The following SLC25A27 variants were observed in gnomAD, a reference collection of about 807,000 sequenced individuals.
SLC25A27 encodes mitochondrial uncoupling protein 4.
In SLC25A27, 35 loss-of-function variants were observed where a neutral mutation model predicts 49.1. The ratio of observed to expected loss-of-function variants is 0.71; its 90% CI spans 0.54 to 0.95. The LOEUF is 0.95. Among genes scored for constraint, SLC25A27 ranks in the 40% least tolerant of loss-of-function variants. SLC25A27 has a pLI of 0.00. For synonymous variants in SLC25A27, 144 were observed against 136.9 expected (o/e 1.05, Z -0.36); for missense variants, 339 against 397.1 (o/e 0.85, Z 1.24).
intron 5 of SLC25A27, among the ~76,000 whole-genome samples, chr6:46,665,089 G>A (rs1266332236): frequency 1.3e-5 from 2 of 152,130 alleles, no homozygotes; most frequent in Non-Finnish European, 2.9e-5. Flanking sequence ...TGTATGAAAA[G>A]GATAGGATTT....
chr6:46,665,621 G>A (rs1045712091), intron 5 of SLC25A27, among the ~76,000 whole-genome samples: 2 of 152,114 alleles, frequency 1.3e-5, no homozygotes, highest in African/African-American at 4.8e-5. Flanking sequence ...GGGAGGCGAA[G>A]CTTGCAGTGA....
chr6:46,655,997 T>A lies in SLC25A27; in HGVS notation c.261T>A (p.Leu87=). The A allele has an allele frequency of 6.2e-7, 1 of 1,612,234 alleles. No homozygotes were observed. The highest frequency in any genetic ancestry group is 8.5e-7 in the Non-Finnish European group (1 of 1,179,338). Residue 87 remains leucine, a synonymous_variant, in exon 2 of 9, where the codon CTT becomes CTA. Transcript: ENST00000371347. ...GIIEEEGFLK[L]WQGVTPAIYR... Reference sequence around the variant, plus strand: ...TTGAAGAGGAAGGCTTTCTAAAGCTTTGGCAAGGAGTGACACCCGCCATTT... The same window carrying A: ...TTGAAGAGGAAGGCTTTCTAAAGCTATGGCAAGGAGTGACACCCGCCATTT...
intron 2 of SLC25A27, among the ~76,000 whole-genome samples, 159 bp downstream of exon 2, chr6:46,656,193 T>G (rs1005462012): frequency 1.3e-5 from 2 of 152,108 alleles, no homozygotes; most frequent in Admixed American, 1.3e-4. Flanking sequence ...TTTAGGTTTT[T>G]TTTTTGAGAT....
chr6:46,663,428 T>A (rs1562038072), intron 4 of SLC25A27, among the ~76,000 whole-genome samples: 1 of 152,038 alleles, frequency 6.6e-6, no homozygotes, highest in African/African-American at 2.4e-5. Flanking sequence ...TCAAAGCATG[T>A]AGAGAATATG....
At chr6:46,661,041 A>T (rs1763144565) in intron 3 of SLC25A27, among the ~76,000 whole-genome samples, 1 of 152,204 alleles carries the variant, frequency 6.6e-6, no homozygotes. Context: ...CTTAATACTG[A>T]GGCTATAGTA....
At chr6:46,662,113 G>A (rs576334795) in intron 3 of SLC25A27, among the ~76,000 whole-genome samples, 17 of 152,198 alleles carry the variant, frequency 1.1e-4, no homozygotes, top group African/African-American at 4.1e-4. Context: ...TATCAATTCA[G>A]ATGTGTGTAT....
chr6:46,656,776 T>G (rs1446723631), intron 2 of SLC25A27, among the ~76,000 whole-genome samples: 1 of 152,174 alleles, frequency 6.6e-6, no homozygotes, highest in Non-Finnish European at 1.5e-5. Context: ...TATTAAGAAG[T>G]TACTGTCCTA....
chr6:46,661,744 C>G (rs758404339), intron 3 of SLC25A27, among the ~76,000 whole-genome samples: 2 of 152,144 alleles, frequency 1.3e-5, no homozygotes, highest in Non-Finnish European at 2.9e-5. Flanking sequence ...AATGACAGCA[C>G]TGTCATGAGG....
At chr6:46,665,877 C>T (rs572060498) in intron 5 of SLC25A27, among the ~76,000 whole-genome samples, 34 of 152,152 alleles carry the variant, frequency 2.2e-4, no homozygotes, top group Non-Finnish European at 4.3e-4. Flanking sequence ...CAGATATTAA[C>T]ACATTATTGG....
rs1562031176 is a variant in SLC25A27, at chr6:46,653,157, G to T, written c.-36G>T. On this transcript the variant is annotated 5_prime_UTR_variant, in exon 1 of 9. Transcript: ENST00000371347. The stretch of plus-strand genomic sequence containing the variant: ...CCGCGGCGCGGTGCAGCGCAGCGGC[G>T]AGAAGGAGTGCGTTATCGTCTTGCG... 6.3e-7 allele frequency: 1 copy of T among 1,582,660 alleles called. No homozygotes were observed. Among genetic ancestry groups the T allele is most frequent in the Admixed American group, 1.7e-5 (1 of 59,048 alleles).
At position 46,671,171 on chromosome 6, in the gene SLC25A27, T is replaced by C; in HGVS notation, c.843T>C (p.Val281=). 2 of 1,603,634 alleles carry C rather than the reference T, an allele frequency of 1.2e-6. No homozygotes were observed. The highest frequency in any genetic ancestry group is 1.7e-6 in the Non-Finnish European group (2 of 1,175,974). The change falls in exon 8 of 9, where the codon GTT becomes GTC. Residue 281 remains valine (V), a synonymous_variant. Coordinates refer to ENST00000371347, the MANE Select transcript of SLC25A27 (RefSeq NM_004277.5). The part of the protein sequence containing the change: ...KSSTDCLIQA[V]QGEGFMSLYK... Reference sequence around the variant, plus strand: ...CGACTGACTGCTTGATTCAGGCTGTTCAAGGTGAAGGATTCATGAGTCTAT... The same window carrying C: ...CGACTGACTGCTTGATTCAGGCTGTCCAAGGTGAAGGATTCATGAGTCTAT...
rs924153716 is a variant in SLC25A27 at position 46,653,213 on chromosome 6, G to GGA, written c.25_26dup (p.Leu10GlyfsTer5). The GGA allele has an allele frequency of 6.2e-7, 1 of 1,613,518 alleles. No individual in the cohort carries two copies. Among genetic ancestry groups the GGA allele is most frequent in the African/African-American group, 1.3e-5 (1 of 74,922 alleles). On this transcript the variant is annotated frameshift_variant, in exon 1 of 9. Transcript: ENST00000371347. LOFTEE classifies it high-confidence loss of function. ...GCTGAATGTCCGTCCCGGAGGAGGA[G>GGA]GAGAGGCTTTTGCCGCTGACCCAGA...
chr6:46,670,929 A>G (rs1763508202), intron 7 of SLC25A27, among the ~76,000 whole-genome samples, 197 bp from the exon 8 acceptor site: 1 of 151,980 alleles, frequency 6.6e-6, no homozygotes, highest in South Asian at 2.1e-4. Context: ...ATGGGGTTTC[A>G]CCGTGTTAGC....
chr6:46,663,508 G>A (rs1174619128), intron 4 of SLC25A27, among the ~76,000 whole-genome samples: 1 of 152,192 alleles, frequency 6.6e-6, no homozygotes, highest in African/African-American at 2.4e-5. Context: ...GGCCCAGTTT[G>A]TCATCTTATA....
chr6:46,671,055 T>G, intron 7 of SLC25A27, 71 bp from the exon 8 acceptor site: 1 of 1,075,814 alleles, frequency 9.3e-7, no homozygotes, highest in Non-Finnish European at 1.4e-6. Context: ...TAAGATTCCT[T>G]AGACAATTTT....
chr6:46,666,983 A>G (rs1360035601), intron 5 of SLC25A27, among the ~76,000 whole-genome samples: 1 of 152,082 alleles, frequency 6.6e-6, no homozygotes, highest in Admixed American at 6.5e-5. Context: ...CTGTAGTCCA[A>G]GTATTATTTA....
In SLC25A27 at chr6:46,671,132, T is replaced by A; in HGVS notation, c.804T>A (p.Leu268=). The change falls in exon 8 of 9, where the codon CTT becomes CTA. Residue 268 remains leucine (L), a synonymous_variant. Transcript: ENST00000371347. ...NQPRDKQGRG[L]LYKSSTDCLI... Reference sequence around the variant, plus strand: ...GATCTTGTTTCCTTTTTAGGGGACTTTTGTATAAATCATCGACTGACTGCT... The same window carrying A: ...GATCTTGTTTCCTTTTTAGGGGACTATTGTATAAATCATCGACTGACTGCT... 1.3e-6 allele frequency: 2 copies of A among 1,593,994 alleles called. No homozygotes were observed. The highest frequency in any genetic ancestry group is 1.8e-5 in the Admixed American group (1 of 56,592).
At chr6:46,670,073 C>G in intron 6 of SLC25A27, 62 bp from the exon 7 acceptor site, 1 of 1,003,472 alleles carries the variant, frequency 1.0e-6, no homozygotes, top group Non-Finnish European at 1.5e-6. Context: ...ATACCACATT[C>G]CCTTTCCTAA....
At chr6:46,661,250 G>T (rs1026985503) in intron 3 of SLC25A27, among the ~76,000 whole-genome samples, 3 of 152,112 alleles carry the variant, frequency 2.0e-5, no homozygotes, top group Non-Finnish European at 2.9e-5. Context: ...GATAATGTAT[G>T]TGCTCATCAT....
Sources: gnomAD v4.1 joint callset for allele counts (sites outside exome capture counted in the v4.1 genomes callset) on GRCh38, gnomAD v4.1.1 for gene constraint, MANE v1.5 for transcripts, NCBI Gene and HGNC (gene_info 2026-07-23, HGNC 2026-07-21) for gene names.